CNOT10: variants seen among roughly 807,000 people sequenced by gnomAD.
The protein encoded by CNOT10 is CCR4-NOT transcription complex subunit 10.
CNOT10 carries 30 observed loss-of-function variants against 94.6 expected under a neutral mutation model. That is an observed-to-expected ratio of 0.32 (90% CI 0.24 to 0.43). The LOEUF (loss-of-function observed/expected upper bound fraction) is 0.43, where lower values mean the gene tolerates loss of function less well. CNOT10 is among the 20% of genes least tolerant of loss of function. The probability of loss-of-function intolerance (pLI) is 1.00; values close to 1 mark genes in which losing one functional copy is unlikely to be tolerated. For missense variants in CNOT10, 759 were observed against 877.2 expected, an observed-to-expected ratio of 0.87 and a Z score of 1.70; for synonymous variants, 289 against 301.6, an observed-to-expected ratio of 0.96 and a Z score of 0.43.
In CNOT10 at chr3:32,769,889, G is replaced by T; in HGVS notation, c.2007G>T (p.Ala669=). 1 of 1,613,588 alleles carries T rather than the reference G, an allele frequency of 6.2e-7. No individual in the cohort carries two copies. The highest frequency in any genetic ancestry group is 1.3e-5 in the African/African-American group (1 of 75,042). ...GCATCTTTCTGTTTTGAGCAAAGGC[G>T]GCTTCAATGATCCATCCTAAAGAGG... ...YDKARKCLHQ[A]ASMIHPKEVP... The change falls in exon 18 of 19, where the codon GCG becomes GCT. Residue 669 remains alanine, a splice_region_variant and synonymous_variant. Transcript: ENST00000328834.
At chr3:32,751,628 TCAAA>T (rs1333039636) in intron 13 of CNOT10, among the ~76,000 whole-genome samples, 2 of 152,148 alleles carry the variant, frequency 1.3e-5, no homozygotes, top group African/African-American at 2.4e-5. Context: ...AGAAGATGAA[TCAAA>T]CAAATGGTTG....
At chr3:32,702,225 A>C (rs1697386383) in intron 1 of CNOT10, among the ~76,000 whole-genome samples, 2 of 152,022 alleles carry the variant, frequency 1.3e-5, no homozygotes, top group African/African-American at 4.8e-5. Flanking sequence ...CCTCCCAAGT[A>C]GCTGGGATTA....
chr3:32,754,785 G>A (rs1303325444), intron 13 of CNOT10, among the ~76,000 whole-genome samples: 2 of 149,006 alleles, frequency 1.3e-5, no homozygotes, highest in African/African-American at 4.9e-5. Context: ...GCCTCCCATA[G>A]TTCTGGGATT....
chr3:32,762,716 C>T lies in CNOT10; in HGVS notation c.1710-17C>T, dbSNP rs748412568. 8 of 1,582,542 alleles carry T rather than the reference C, an allele frequency of 5.1e-6. No individual in the cohort carries two copies. Among genetic ancestry groups the T allele is most frequent in the Non-Finnish European group, 5.1e-6 (6 of 1,171,054 alleles). ...GACGTTGTACTTTTCAGTTTGGAAT[C>T]TGTTTTTTCATTTTAGGTTTTTGGG... On this transcript the variant is annotated splice_polypyrimidine_tract_variant and intron_variant, in intron 14 of 18. Coordinates refer to ENST00000328834, the MANE Select transcript of CNOT10 (RefSeq NM_015442.3).
chr3:32,737,391 ACT>A lies in CNOT10; in HGVS notation c.1515-16_1515-15del, dbSNP rs1188736002. 2.6e-6 allele frequency: 4 copies of A among 1,530,582 alleles called. No homozygotes were observed. Among genetic ancestry groups the A allele is most frequent in the Non-Finnish European group, 3.6e-6 (4 of 1,111,762 alleles). The allele number at this position is 1,530,582 out of a possible 1,614,324, so 94.8% of individuals were successfully genotyped here. A position where few individuals can be genotyped will look rare whatever the true frequency, so the allele number is the denominator to read the frequency against. ...TTATTTGTTGCTCTTCATAATTAAG[ACT>A]CTTACCTCTATTTTAGCAGTAAAAG... is the stretch of plus-strand genomic sequence containing the variant. On this transcript the variant is annotated splice_polypyrimidine_tract_variant and intron_variant, in intron 12 of 18. Transcript: ENST00000328834.
intron 3 of CNOT10, among the ~76,000 whole-genome samples, chr3:32,708,161 G>C (rs1362921365): frequency 1.3e-5 from 2 of 152,128 alleles, no homozygotes; most frequent in African/African-American, 2.4e-5. Context: ...GCCTCCCAAA[G>C]TGCTGGGATT....
intron 10 of CNOT10, chr3:32,730,639 A>T (rs1020796280): frequency 6.6e-6 from 1 of 152,346 alleles, no homozygotes; most frequent in Middle Eastern, 3.4e-3. Flanking sequence ...ATAAAATTCC[A>T]TAAAATTTGT....
chr3:32,757,202 G>C (rs1474037228), intron 13 of CNOT10, among the ~76,000 whole-genome samples: 4 of 23,638 alleles, frequency 1.7e-4, no homozygotes, highest in Non-Finnish European at 2.5e-4. Flanking sequence ...TTTTTGTGAC[G>C]GAGTTTCACT....
At chr3:32,726,418 G>A (rs181662564) in intron 9 of CNOT10, among the ~76,000 whole-genome samples, 3 of 152,242 alleles carry the variant, frequency 2.0e-5, no homozygotes, top group East Asian at 3.9e-4. Flanking sequence ...ATTTAGGCCA[G>A]GGGCGGTGGC....
At chr3:32,733,314 CTTT>C (rs1699038962) in intron 10 of CNOT10, 106 bp from the exon 11 acceptor site, 1 of 862,114 alleles carries the variant, frequency 1.2e-6, no homozygotes, top group African/African-American at 1.7e-5. Flanking sequence ...TCCTCATTGA[CTTT>C]AAGAACTTTC....
intron 5 of CNOT10, among the ~76,000 whole-genome samples, chr3:32,715,583 G>T (rs747315900): frequency 2.0e-5 from 3 of 151,662 alleles, no homozygotes; most frequent in Admixed American, 1.3e-4. Flanking sequence ...ATCTGTTCTG[G>T]GTTTTAGAAA....
Position 32,761,756 on chromosome 3 carries a change from G to A in CNOT10, c.1710-977G>A, listed in dbSNP as rs191297521. Among the ~76,000 whole-genome samples, 176 of 145,842 alleles carry A rather than the reference G, an allele frequency of 1.2e-3. 1 individual carries two copies. Among genetic ancestry groups the A allele is most frequent in the South Asian group, 5.4e-3 (25 of 4,632 alleles). ...TTTTTTTTTTTTCTTTTTTTGAAAC[G>A]GAGTTTCACAGGCATGAGCCACCGC... On this transcript the variant is annotated intron_variant, in intron 14 of 18. Transcript: ENST00000328834.
At chr3:32,705,556 C>T (rs960345639) in intron 3 of CNOT10, among the ~76,000 whole-genome samples, 5 of 152,154 alleles carry the variant, frequency 3.3e-5, no homozygotes, top group Non-Finnish European at 7.3e-5. Flanking sequence ...AACTTCTCAG[C>T]TTGTTCTTCT....
At chr3:32,730,305 C>A (rs538562094) in intron 10 of CNOT10, among the ~76,000 whole-genome samples, 17 of 151,936 alleles carry the variant, frequency 1.1e-4, no homozygotes, top group Non-Finnish European at 2.1e-4. Context: ...CTTACAAGGT[C>A]TCCTCCCCTC....
chr3:32,721,429 C>CTTTTTTTTTT (rs58351356), intron 8 of CNOT10, among the ~76,000 whole-genome samples: 7 of 72,594 alleles, frequency 9.6e-5, no homozygotes, highest in Admixed American at 2.1e-4. Flanking sequence ...TTTCTTTCAT[C>CTTTTTTTTTT]TTTTTTTTTT....
In CNOT10 at chr3:32,686,211, A is replaced by G. The variant is rs555526304; in HGVS notation, c.22+729A>G. Among the ~76,000 whole-genome samples, 8 of 152,344 alleles carry G rather than the reference A, an allele frequency of 5.3e-5. No homozygotes were observed. In the East Asian group the frequency reaches 1.5e-3, roughly 29 times the overall value. On this transcript the variant is annotated intron_variant, in intron 1 of 18. Coordinates refer to ENST00000328834, the MANE Select transcript of CNOT10 (RefSeq NM_015442.3). ...CCTAGAATCTTCCACATTAAGGAAT[A>G]TAAAATTATTTCCTGACCTTGTCCG...
At chr3:32,720,448 T>C (rs1467453672) in intron 8 of CNOT10, among the ~76,000 whole-genome samples, 1 of 152,110 alleles carries the variant, frequency 6.6e-6, no homozygotes, top group Non-Finnish European at 1.5e-5. Flanking sequence ...CTTTCTTTTT[T>C]TTACTTTTCC....
At chr3:32,692,848 G>A (rs1173363201) in intron 1 of CNOT10, among the ~76,000 whole-genome samples, 3 of 152,050 alleles carry the variant, frequency 2.0e-5, no homozygotes, top group Non-Finnish European at 2.9e-5. Context: ...GAGTTCAAGA[G>A]CAGCCTGGGC....
chr3:32,685,633 C>A, intron 1 of CNOT10, 151 bp downstream of exon 1: 1 of 851,208 alleles, frequency 1.2e-6, no homozygotes, highest in Non-Finnish European at 1.8e-6. Context: ...TCTCGGCTGT[C>A]GCTAACATGA....
Sources: gnomAD v4.1 joint callset for allele counts (sites outside exome capture counted in the v4.1 genomes callset) on GRCh38, gnomAD v4.1.1 for gene constraint, MANE v1.5 for transcripts, NCBI Gene and HGNC (gene_info 2026-07-23, HGNC 2026-07-21) for gene names.